Variants in AGBL4 observed in about 807,000 individuals in gnomAD.
The protein encoded by AGBL4 is AGBL carboxypeptidase 4.
In AGBL4, 58 loss-of-function variants were observed where a neutral mutation model predicts 66.4. The ratio of observed to expected loss-of-function variants is 0.87; its 90% CI spans 0.71 to 1.09. The LOEUF (loss-of-function observed/expected upper bound fraction) is 1.09. AGBL4 is among the 50% of genes least tolerant of loss of function. The pLI is 0.00. For missense variants in AGBL4, 579 were observed against 631.0 expected (o/e 0.92, Z 0.88); for synonymous variants, 234 against 222.9 (o/e 1.05, Z -0.44).
chr1:49,875,780 A>C (rs1482313305), intron 1 of AGBL4, among the ~76,000 whole-genome samples: 1 of 121,110 alleles, frequency 8.3e-6, no homozygotes, highest in Non-Finnish European at 1.7e-5. Context: ...CCAACAGTGT[A>C]AAAGTGTTCC....
At chr1:48,638,039 G>A (rs1448156906) in intron 8 of AGBL4, among the ~76,000 whole-genome samples, 5 of 152,176 alleles carry the variant, frequency 3.3e-5, no homozygotes, top group Admixed American at 2.0e-4. Flanking sequence ...TCAGTTATGT[G>A]CCTCTCCTCT....
intron 2 of AGBL4, among the ~76,000 whole-genome samples, chr1:49,800,396 G>C (rs912944524): frequency 7.1e-6 from 1 of 140,840 alleles, no homozygotes; most frequent in Non-Finnish European, 1.5e-5. Context: ...TTAAGTTTTA[G>C]GGTACATGTG....
intron 1 of AGBL4, among the ~76,000 whole-genome samples, chr1:49,914,416 C>T (rs12407318): frequency 0.19 from 28,399 of 152,160 alleles, 3,277 homozygotes; most frequent in East Asian, 0.42. Flanking sequence ...GTTTCCAATA[C>T]CTTTTCCTTA....
chr1:49,818,361 G>GT (rs1307819823), intron 2 of AGBL4, among the ~76,000 whole-genome samples: 14 of 111,782 alleles, frequency 1.3e-4, no homozygotes, highest in South Asian at 1.1e-3. Context: ...GTTTGTTTTT[G>GT]TTTTTTTTGT....
intron 5 of AGBL4, among the ~76,000 whole-genome samples, chr1:48,964,105 T>C (rs1658224761): frequency 6.6e-6 from 1 of 152,166 alleles, no homozygotes; most frequent in Admixed American, 6.5e-5. Flanking sequence ...TCAGGGTAGG[T>C]GTAGGACATG....
At chr1:49,108,689 C>T (rs975288776) in intron 4 of AGBL4, among the ~76,000 whole-genome samples, 1 of 152,140 alleles carries the variant, frequency 6.6e-6, no homozygotes, top group African/African-American at 2.4e-5. Context: ...TAATAGAATA[C>T]AGTCAGCAGA....
intron 1 of AGBL4, among the ~76,000 whole-genome samples, chr1:49,926,441 G>A (rs147044857): frequency 1.3e-5 from 2 of 152,262 alleles, no homozygotes; most frequent in African/African-American, 4.8e-5. Flanking sequence ...AATAAGCCAA[G>A]ATTGTGAAGA....
At chr1:49,159,513 A>G (rs2148136823) in intron 4 of AGBL4, among the ~76,000 whole-genome samples, 1 of 151,830 alleles carries the variant, frequency 6.6e-6, no homozygotes, top group Non-Finnish European at 1.5e-5. Context: ...CTTCATTTCA[A>G]CCTTGGTGAA....
At chr1:49,901,000 T>C (rs1233541559) in intron 1 of AGBL4, among the ~76,000 whole-genome samples, 3 of 152,224 alleles carry the variant, frequency 2.0e-5, no homozygotes, top group Non-Finnish European at 4.4e-5. Flanking sequence ...CTTATAGTGA[T>C]GTAGTGTAAC....
At chr1:49,170,247 T>A (rs1475164052) in intron 4 of AGBL4, among the ~76,000 whole-genome samples, 2 of 145,080 alleles carry the variant, frequency 1.4e-5, no homozygotes. Flanking sequence ...TATATTCATA[T>A]AAATATATTA....
chr1:48,614,602 T>C (rs2148385956), intron 9 of AGBL4, among the ~76,000 whole-genome samples: 1 of 152,330 alleles, frequency 6.6e-6, no homozygotes, highest in Middle Eastern at 3.4e-3. Flanking sequence ...TGGGCAAATA[T>C]GCCCCTTATC....
At chr1:48,587,982 G>A (rs934357527) in intron 10 of AGBL4, among the ~76,000 whole-genome samples, 2 of 152,122 alleles carry the variant, frequency 1.3e-5, no homozygotes, top group Non-Finnish European at 2.9e-5. Flanking sequence ...TAAAATTTGG[G>A]CAGTGCTTTC....
intron 6 of AGBL4, chr1:48,728,126 C>G: frequency 1.6e-6 from 2 of 1,274,604 alleles, no homozygotes; most frequent in Non-Finnish European, 2.2e-6. Context: ...GAAAATGTAC[C>G]TCCCAACATA....
chr1:49,051,870 A>T lies in AGBL4; in HGVS notation c.378-6070T>A, dbSNP rs143927893. ...GGAGAAAGAGTAAGAGAGTGCTCAG[A>T]TACAGGCAACACATTTTTACACCCA... On this transcript the variant is annotated intron_variant, in intron 4 of 13. Transcript: ENST00000371839. 2.8e-3 allele frequency among the ~76,000 whole-genome samples: 431 copies of T among 152,220 alleles called. 2 individuals are homozygous for T. The highest frequency in any genetic ancestry group is 0.01 in the Middle Eastern group (3 of 294).
At chr1:49,032,868 A>G (rs778782486) in intron 5 of AGBL4, among the ~76,000 whole-genome samples, 23 of 152,220 alleles carry the variant, frequency 1.5e-4, no homozygotes, top group Non-Finnish European at 3.1e-4. Flanking sequence ...CAACTTTCTC[A>G]TGGGCAGCTG....
chr1:49,465,622 A>C (rs780475853), intron 3 of AGBL4, among the ~76,000 whole-genome samples: 53 of 151,872 alleles, frequency 3.5e-4, no homozygotes, highest in Non-Finnish European at 7.1e-4. Context: ...GAGAAAGACA[A>C]AAGGAATTCA....
chr1:48,958,031 AT>A lies in AGBL4; in HGVS notation c.594+87552del, dbSNP rs966586484. Among the ~76,000 whole-genome samples, 6 of 147,470 alleles carry A rather than the reference AT, an allele frequency of 4.1e-5. No individual in the cohort carries two copies. The East Asian group carries it at 1.0e-3, about 25-fold the overall frequency. On this transcript the variant is annotated intron_variant, in intron 5 of 13. Coordinates refer to ENST00000371839, the MANE Select transcript of AGBL4 (RefSeq NM_032785.4). ...GTTTGTTTTGTTTTTTGTTTTTTGT[AT>A]TTTTTTTAGTAGAGATGGGGTTTCA...
intron 6 of AGBL4, among the ~76,000 whole-genome samples, chr1:48,813,455 G>C (rs191388011): frequency 2.0e-5 from 3 of 152,170 alleles, no homozygotes; most frequent in Non-Finnish European, 4.4e-5. Context: ...GCATTAGGGA[G>C]GTCTGGACTC....
chr1:49,092,404 C>A (rs544289232), intron 4 of AGBL4, among the ~76,000 whole-genome samples: 1 of 152,266 alleles, frequency 6.6e-6, no homozygotes, highest in East Asian at 1.9e-4. Context: ...TCTCTTTATC[C>A]AAACGTTCTG....
Sources: allele counts gnomAD v4.1 joint callset (sites outside exome capture counted in the v4.1 genomes callset), GRCh38; gene constraint gnomAD v4.1.1; transcripts MANE v1.5; gene names NCBI Gene and HGNC (gene_info 2026-07-23, HGNC 2026-07-21).